MIPOL1: variants seen among roughly 807,000 people sequenced by gnomAD.
The protein encoded by MIPOL1 is mirror-image polydactyly gene 1 protein.
In MIPOL1, 57 loss-of-function variants were observed where a neutral mutation model predicts 60.9. That is an observed-to-expected ratio of 0.94 (90% CI 0.76 to 1.17). The LOEUF (loss-of-function observed/expected upper bound fraction) is 1.17, where lower values mean the gene tolerates loss of function less well. Among genes scored for constraint, MIPOL1 ranks in the 50% most tolerant of loss-of-function variants. MIPOL1 has a pLI of 0.00. For synonymous variants in MIPOL1, 179 were observed against 168.8 expected (o/e 1.06, Z -0.47); for missense variants, 551 against 511.6 (o/e 1.08, Z -0.74).
chr14:37,302,196 T>A (rs2086332131), intron 7 of MIPOL1, among the ~76,000 whole-genome samples: 1 of 149,420 alleles, frequency 6.7e-6, no homozygotes, highest in African/African-American at 2.4e-5. Context: ...AGAGTGGCTA[T>A]ACTAGCAATG....
intron 12 of MIPOL1, among the ~76,000 whole-genome samples, chr14:37,532,827 T>C (rs2095487705): frequency 6.6e-6 from 1 of 152,192 alleles, no homozygotes; most frequent in Non-Finnish European, 1.5e-5. Flanking sequence ...CTTATGTATA[T>C]ATATGATGCT....
chr14:37,378,616 A>G (rs778112651), intron 10 of MIPOL1, among the ~76,000 whole-genome samples: 5 of 140,340 alleles, frequency 3.6e-5, no homozygotes, highest in African/African-American at 5.1e-5. Flanking sequence ...ACAGACTTAT[A>G]TGCCGGGGAG....
At chr14:37,371,321 T>C (rs1395937772) in intron 10 of MIPOL1, among the ~76,000 whole-genome samples, 2 of 152,076 alleles carry the variant, frequency 1.3e-5, no homozygotes, top group Non-Finnish European at 2.9e-5. Flanking sequence ...GGTTTCACTA[T>C]GTTGGCCAGG....
chr14:37,255,681 T>C (rs1974810519), intron 3 of MIPOL1, among the ~76,000 whole-genome samples: 2 of 151,882 alleles, frequency 1.3e-5, no homozygotes, highest in South Asian at 4.1e-4. Context: ...TTAGAGCAAG[T>C]CAGGCTTCAA....
chr14:37,443,424 A>C (rs1386418882), intron 11 of MIPOL1, among the ~76,000 whole-genome samples: 1 of 129,614 alleles, frequency 7.7e-6, no homozygotes, highest in Non-Finnish European at 1.5e-5. Context: ...GCACCACTGC[A>C]CTCCAGCCTG....
intron 9 of MIPOL1, among the ~76,000 whole-genome samples, chr14:37,349,337 A>G (rs1180070641): frequency 1.3e-5 from 2 of 152,084 alleles, no homozygotes; most frequent in Non-Finnish European, 2.9e-5. Context: ...GTAATGTCAA[A>G]CAAATTATGT....
At chr14:37,256,614 A>G (rs1057287531) in intron 3 of MIPOL1, among the ~76,000 whole-genome samples, 7 of 151,988 alleles carry the variant, frequency 4.6e-5, no homozygotes, top group Admixed American at 2.6e-4. Context: ...GGAAAACTTC[A>G]TTGCTTATAT....
Position 37,415,628 on chromosome 14 carries a change from C to CAAA in MIPOL1, c.937-7212_937-7210dup, listed in dbSNP as rs11377270. 3.2e-3 allele frequency among the ~76,000 whole-genome samples: 401 copies of CAAA among 126,392 alleles called. 4 individuals carry two copies. Among genetic ancestry groups the CAAA allele is most frequent in the South Asian group, 6.3e-3 (23 of 3,644 alleles). The allele number at this position is 126,392 out of a possible 152,430, so 82.9% of individuals were successfully genotyped here. A position where few individuals can be genotyped will look rare whatever the true frequency, so the allele number is the denominator to read the frequency against. On this transcript the variant is annotated intron_variant, in intron 10 of 12. Coordinates refer to ENST00000684589, the MANE Select transcript of MIPOL1 (RefSeq NM_001388067.1). ...TGGGCGACAGAGCGAGACTCTGTCT[C>CAAA]AAAAAAAAAAAAAAAAATTAGCACA...
At chr14:37,218,480 G>A (rs185322142) in intron 1 of MIPOL1, among the ~76,000 whole-genome samples, 119 of 152,138 alleles carry the variant, frequency 7.8e-4, no homozygotes, top group Admixed American at 6.9e-3. Flanking sequence ...GAGCCACTGC[G>A]CCTGGCCGAT....
At chr14:37,491,386 G>A (rs1391771417) in intron 11 of MIPOL1, among the ~76,000 whole-genome samples, 2 of 152,118 alleles carry the variant, frequency 1.3e-5, no homozygotes, top group Non-Finnish European at 2.9e-5. Flanking sequence ...AAAATTAGCT[G>A]GGTGTGGTGG....
intron 11 of MIPOL1, among the ~76,000 whole-genome samples, chr14:37,465,037 T>G (rs1427100130): frequency 1.3e-5 from 2 of 152,178 alleles, no homozygotes; most frequent in African/African-American, 4.8e-5. Context: ...GATCTGACGT[T>G]GATCTCTGGC....
At chr14:37,348,027 T>C (rs1385892949) in intron 9 of MIPOL1, among the ~76,000 whole-genome samples, 1 of 152,200 alleles carries the variant, frequency 6.6e-6, no homozygotes, top group African/African-American at 2.4e-5. Flanking sequence ...GGGAGCACAG[T>C]ACCCAACAGG....
chr14:37,278,696 T>C (rs1296596973), intron 6 of MIPOL1: 2 of 151,876 alleles, frequency 1.3e-5, no homozygotes, highest in Admixed American at 1.3e-4. Flanking sequence ...CTCCCAATTA[T>C]GTTATTTAGA....
downstream of MIPOL1, chr14:37,551,913 T>C (rs1350528238): frequency 2.7e-5 from 4 of 146,570 alleles, no homozygotes; most frequent in Non-Finnish European, 6.0e-5. Flanking sequence ...ATAATAATAA[T>C]AATAATAGAC....
At chr14:37,436,978 A>G (rs1468366120) in intron 11 of MIPOL1, among the ~76,000 whole-genome samples, 1 of 152,208 alleles carries the variant, frequency 6.6e-6, no homozygotes, top group Non-Finnish European at 1.5e-5. Flanking sequence ...ACATTATTTT[A>G]TGAGTTCAGT....
At chr14:37,308,161 T>A (rs2086951169) in intron 8 of MIPOL1, 72 bp downstream of exon 8, 4 of 1,414,694 alleles carry the variant, frequency 2.8e-6, no homozygotes, top group Admixed American at 2.0e-5. Flanking sequence ...ATTGAGTGGG[T>A]TTCAAGAACT....
At chr14:37,432,301 G>A (rs1398389221) in intron 11 of MIPOL1, among the ~76,000 whole-genome samples, 1 of 152,158 alleles carries the variant, frequency 6.6e-6, no homozygotes, top group Non-Finnish European at 1.5e-5. Flanking sequence ...CTATGAATAT[G>A]TGTCTTAACT....
intron 12 of MIPOL1, among the ~76,000 whole-genome samples, chr14:37,543,253 TA>T (rs1283425619): frequency 6.6e-6 from 1 of 152,138 alleles, no homozygotes; most frequent in Non-Finnish European, 1.5e-5. Context: ...TCACTGGGAT[TA>T]TTTTTTATTT....
intron 9 of MIPOL1, among the ~76,000 whole-genome samples, chr14:37,309,102 T>TTTTACTTA (rs1047452013): frequency 5.6e-5 from 8 of 142,784 alleles, no homozygotes; most frequent in African/African-American, 2.1e-4. Context: ...TTTCTTGTTA[T>TTTTACTTA]TTTATTTATT....
Sources: gnomAD v4.1 joint callset for allele counts (sites outside exome capture counted in the v4.1 genomes callset) on GRCh38, gnomAD v4.1.1 for gene constraint, MANE v1.5 for transcripts, NCBI Gene and HGNC (gene_info 2026-07-23, HGNC 2026-07-21) for gene names.